Variants in PXDNL observed in about 807,000 individuals in gnomAD.
The protein encoded by PXDNL is probable oxidoreductase PXDNL.
A neutral mutation model predicts 150.8 loss-of-function variants in PXDNL; 145 were observed. That is an observed-to-expected ratio of 0.96 (90% CI 0.84 to 1.10). PXDNL has a LOEUF of 1.10. Among genes scored for constraint, PXDNL ranks in the 50% least tolerant of loss-of-function variants. The probability of loss-of-function intolerance (pLI) is 0.00; values close to 1 mark genes in which losing one functional copy is unlikely to be tolerated. For synonymous variants in PXDNL, 757 were observed against 725.7 expected (o/e 1.04, Z -0.69); for missense variants, 2,087 against 1,873.9 (o/e 1.11, Z -2.10).
At chr8:51,542,495 TAA>T (rs34691012) in intron 4 of PXDNL, among the ~76,000 whole-genome samples, 12,196 of 136,556 alleles carry the variant, frequency 0.089, 658 homozygotes, top group African/African-American at 0.16. Flanking sequence ...AATGCCCTTA[TAA>T]AAAAAAAAAA....
At chr8:51,782,856 T>C (rs956757680) in intron 1 of PXDNL, among the ~76,000 whole-genome samples, 1 of 152,244 alleles carries the variant, frequency 6.6e-6, no homozygotes, top group Non-Finnish European at 1.5e-5. Flanking sequence ...GGCTTATGAA[T>C]GTCCTGAATA....
In PXDNL at chr8:51,780,721, G is replaced by A. The variant is rs191988366; in HGVS notation, c.164+28460C>T. ...GTCACCCAGGCTGGAGTGCTGTGGC[G>A]CGATCTCAGCTCATTGCAACCTCCG... is the stretch of plus-strand genomic sequence containing the variant. On this transcript the variant is annotated intron_variant, in intron 1 of 22. Coordinates refer to ENST00000356297, the MANE Select transcript of PXDNL (RefSeq NM_144651.5). Among the ~76,000 whole-genome samples the A allele has an allele frequency of 5.0e-3, 710 of 141,824 alleles. 6 individuals carry two copies. Among genetic ancestry groups the A allele is most frequent in the African/African-American group, 0.018 (664 of 37,804 alleles). 93.0% of individuals were successfully genotyped at this position (141,824 alleles called of 152,430 possible). A position where few individuals can be genotyped will look rare whatever the true frequency, so the allele number is the denominator to read the frequency against.
Position 51,319,929 on chromosome 8 carries a change from C to T in PXDNL, c.4354G>A (p.Asp1452Asn), listed in dbSNP as rs1244203677. Reference sequence around the variant, plus strand: ...GGGGAATCACTTGGCATTCCTCGGTCTCTGCAAACTGGACAGCAGGTTCCT... The same window carrying T: ...GGGGAATCACTTGGCATTCCTCGGTTTCTGCAAACTGGACAGCAGGTTCCT... ...VKGTCCPVCRDRGMPSDSPEK... is the reference protein window; with the variant it reads ...VKGTCCPVCRNRGMPSDSPEK... The change falls in exon 23 of 23, where the codon GAC becomes AAC. Residue 1452 changes from aspartate (D) to asparagine (N), a missense_variant. Transcript: ENST00000356297. 5.8e-6 allele frequency: 9 copies of T among 1,561,818 alleles called. No homozygotes were observed. The highest frequency in any genetic ancestry group is 1.2e-5 in the South Asian group (1 of 82,294).
chr8:51,436,200 AC>A, intron 12 of PXDNL: 1 of 522,296 alleles, frequency 1.9e-6, no homozygotes, highest in South Asian at 1.4e-5. Context: ...CCAAAAGCCA[AC>A]CATTCGTGGG....
At chr8:51,688,781 A>C (rs1192973044) in intron 1 of PXDNL, among the ~76,000 whole-genome samples, 1 of 152,202 alleles carries the variant, frequency 6.6e-6, no homozygotes, top group Non-Finnish European at 1.5e-5. Context: ...TGTTTCCAAA[A>C]TAAAGGAGGG....
rs186747851 is a variant in PXDNL at position 51,693,357 on chromosome 8, A to G, written c.165-38597T>C. On this transcript the variant is annotated intron_variant, in intron 1 of 22. Transcript: ENST00000356297. ...CTGTCATTACATTAGGATCAGTAGC[A>G]ATACAAGGTATTTATTTCATGAGAA... 2.5e-3 allele frequency among the ~76,000 whole-genome samples: 378 copies of G among 152,374 alleles called. 2 individuals carry two copies. Among genetic ancestry groups the G allele is most frequent in the Non-Finnish European group, 4.4e-3 (299 of 68,036 alleles).
Position 51,423,662 on chromosome 8 carries a change from C to T in PXDNL, c.1708G>A (p.Ala570Thr), listed in dbSNP as rs371365853. Reference sequence around the variant, plus strand: ...TATCTTCCCTGGTCAGGGAACCCTGCGTCGTAGATAGTCAGCGTGCCTTCA... The same window carrying T: ...TATCTTCCCTGGTCAGGGAACCCTGTGTCGTAGATAGTCAGCGTGCCTTCA... ...DDEGTLTIYD[A>T]GFPDQGRYEC... The change falls in exon 14 of 23, where the codon GCA becomes ACA. Residue 570 changes from alanine to threonine, a missense_variant. Coordinates refer to ENST00000356297, the MANE Select transcript of PXDNL (RefSeq NM_144651.5). 4.2e-5 allele frequency: 68 copies of T among 1,613,758 alleles called. No homozygotes were observed. Among genetic ancestry groups the T allele is most frequent in the Non-Finnish European group, 5.0e-5 (59 of 1,179,708 alleles).
At chr8:51,478,521 A>G (rs1424299214) in intron 6 of PXDNL, among the ~76,000 whole-genome samples, 1 of 152,226 alleles carries the variant, frequency 6.6e-6, no homozygotes, top group Non-Finnish European at 1.5e-5. Flanking sequence ...AAACAAAATC[A>G]AAAACATTTT....
At chr8:51,661,929 A>G (rs771510646) in intron 1 of PXDNL, among the ~76,000 whole-genome samples, 1 of 151,906 alleles carries the variant, frequency 6.6e-6, no homozygotes, top group Non-Finnish European at 1.5e-5. Flanking sequence ...ATAAAAAGGA[A>G]TACTATAAAG....
intron 1 of PXDNL, among the ~76,000 whole-genome samples, chr8:51,734,056 T>C (rs1463796593): frequency 1.3e-5 from 2 of 152,044 alleles, no homozygotes; most frequent in East Asian, 3.9e-4. Context: ...AGGAATGATG[T>C]TCTCACCTTA....
chr8:51,392,073 G>A (rs1175640571), intron 17 of PXDNL, among the ~76,000 whole-genome samples: 3 of 152,044 alleles, frequency 2.0e-5, no homozygotes, highest in African/African-American at 7.2e-5. Flanking sequence ...ATTTCTAAGG[G>A]CTCTGTTCTG....
At chr8:51,328,738 T>C (rs1338110406) in intron 21 of PXDNL, among the ~76,000 whole-genome samples, 3 of 152,150 alleles carry the variant, frequency 2.0e-5, no homozygotes, top group African/African-American at 7.2e-5. Context: ...TGTTACTGTC[T>C]TAGTGAGGTA....
intron 1 of PXDNL, among the ~76,000 whole-genome samples, chr8:51,688,562 G>A (rs376162709): frequency 1.1e-3 from 175 of 152,196 alleles, no homozygotes; most frequent in Middle Eastern, 0.01. Context: ...AGAATCTTGG[G>A]TGATCCTGAG....
intron 4 of PXDNL, among the ~76,000 whole-genome samples, chr8:51,523,947 T>C (rs1179011174): frequency 1.3e-5 from 2 of 152,108 alleles, no homozygotes; most frequent in African/African-American, 2.4e-5. Context: ...AAGAGACCGA[T>C]GGGGAAAAAA....
At chr8:51,393,969 G>A (rs145280889) in intron 17 of PXDNL, among the ~76,000 whole-genome samples, 5 of 152,190 alleles carry the variant, frequency 3.3e-5, no homozygotes, top group Non-Finnish European at 4.4e-5. Context: ...TACAGCAGTC[G>A]CAGGAAATAA....
At chr8:51,326,807 A>G (rs958811766) in intron 21 of PXDNL, among the ~76,000 whole-genome samples, 1 of 152,066 alleles carries the variant, frequency 6.6e-6, no homozygotes, top group Admixed American at 6.6e-5. Context: ...TCACTCCCCA[A>G]ATTCAAATCT....
intron 17 of PXDNL, among the ~76,000 whole-genome samples, chr8:51,376,357 A>G (rs1241688612): frequency 6.6e-6 from 1 of 152,000 alleles, no homozygotes; most frequent in African/African-American, 2.4e-5. Flanking sequence ...GCCCTTCCCC[A>G]CTTTCTCCTT....
At chr8:51,750,497 G>A (rs1227855670) in intron 1 of PXDNL, among the ~76,000 whole-genome samples, 1 of 152,170 alleles carries the variant, frequency 6.6e-6, no homozygotes, top group Non-Finnish European at 1.5e-5. Context: ...ACAGTGATAG[G>A]AAATTTTCAG....
chr8:51,385,546 A>G (rs1392450628), intron 17 of PXDNL, among the ~76,000 whole-genome samples: 1 of 152,218 alleles, frequency 6.6e-6, no homozygotes, highest in Middle Eastern at 3.2e-3. Context: ...AATCTAGACT[A>G]AAAAACGACT....
Sources: gnomAD v4.1 joint callset for allele counts (sites outside exome capture counted in the v4.1 genomes callset) on GRCh38, gnomAD v4.1.1 for gene constraint, MANE v1.5 for transcripts, NCBI Gene and HGNC (gene_info 2026-07-23, HGNC 2026-07-21) for gene names.